DCAF1: variants seen among roughly 807,000 people sequenced by gnomAD.
The protein encoded by DCAF1 is DDB1- and CUL4-associated factor 1.
A neutral mutation model predicts 128.0 loss-of-function variants in DCAF1; 15 were observed. That is an observed-to-expected ratio of 0.12 (90% CI 0.08 to 0.18). The LOEUF is 0.18. Among genes scored for constraint, DCAF1 ranks in the 10% least tolerant of loss-of-function variants. The probability of loss-of-function intolerance (pLI) is 1.00; values close to 1 mark genes in which losing one functional copy is unlikely to be tolerated. For synonymous variants in DCAF1, 610 were observed against 603.0 expected (o/e 1.01, Z -0.17); for missense variants, 988 against 1,649.5 (o/e 0.60, Z 6.95).
At chr3:51,454,258 T>C (rs1247126231) in intron 6 of DCAF1, among the ~76,000 whole-genome samples, 4 of 152,120 alleles carry the variant, frequency 2.6e-5, no homozygotes, top group Non-Finnish European at 5.9e-5. Context: ...CCAGGCTACA[T>C]CGCCAGTCTT....
rs199951590 is a variant in DCAF1 at position 51,440,912 on chromosome 3, A to T, written c.1128+58T>A. On this transcript the variant is annotated intron_variant, in intron 9 of 24. Coordinates refer to ENST00000684031, the MANE Select transcript of DCAF1 (RefSeq NM_001387579.1). ...CAGAGTGAGACTCCATCTTAAATTTAAAAAAAAACAAAGTTTTTAAAAAAT... is the reference window on the plus strand; with the variant it reads ...CAGAGTGAGACTCCATCTTAAATTTTAAAAAAAACAAAGTTTTTAAAAAAT... 299 of 1,382,338 alleles carry T rather than the reference A, an allele frequency of 2.2e-4. 2 individuals carry two copies. In the East Asian group the frequency reaches 6.1e-3, roughly 28 times the overall value. The allele number at this position is 1,382,338 out of a possible 1,614,324, so 85.6% of individuals were successfully genotyped here. A position where few individuals can be genotyped will look rare whatever the true frequency, so the allele number is the denominator to read the frequency against.
intron 23 of DCAF1, among the ~76,000 whole-genome samples, chr3:51,406,568 A>C (rs2090127866): frequency 6.6e-6 from 1 of 152,070 alleles, no homozygotes; most frequent in African/African-American, 2.4e-5. Flanking sequence ...TTCCACCTAC[A>C]TCAATTTCAT....
chr3:51,414,252 C>A (rs898520509), intron 19 of DCAF1, among the ~76,000 whole-genome samples: 5 of 152,172 alleles, frequency 3.3e-5, no homozygotes, highest in Admixed American at 3.3e-4. Context: ...TACAGGAATG[C>A]TTTATGAGCT....
In DCAF1 at chr3:51,398,587, T is replaced by G. The variant is rs980415863; in HGVS notation, c.*182A>C. The G allele has an allele frequency of 1.4e-6, 1 of 703,856 alleles. No individual in the cohort carries two copies. Among genetic ancestry groups the G allele is most frequent in the Admixed American group, 2.9e-5 (1 of 34,834 alleles). 43.6% of individuals were successfully genotyped at this position (703,856 alleles called of 1,614,324 possible). A position where few individuals can be genotyped will look rare whatever the true frequency, so the allele number is the denominator to read the frequency against. ...TCCCTGTTGTCATTTTTGTGGTGGT[T>G]ATTGATTCTGGAAGGACCCTCGGGT... is the stretch of plus-strand genomic sequence containing the variant. On this transcript the variant is annotated 3_prime_UTR_variant, in exon 25 of 25. Transcript: ENST00000684031.
chr3:51,422,498 A>G, intron 13 of DCAF1, 67 bp from the exon 14 acceptor site: 1 of 710,620 alleles, frequency 1.4e-6, no homozygotes, highest in Non-Finnish European at 2.6e-6. Context: ...AGACAGAGAG[A>G]GAGACACACA....
chr3:51,423,943 T>TA (rs1307724820), intron 13 of DCAF1, among the ~76,000 whole-genome samples: 5 of 152,164 alleles, frequency 3.3e-5, no homozygotes, highest in African/African-American at 7.2e-5. Flanking sequence ...CCATATGTGT[T>TA]AGAGTATAGT....
Position 51,420,166 on chromosome 3 carries a change from G to T in DCAF1, c.2804C>A (p.Pro935His), listed in dbSNP as rs782164961. Residue 935 changes from proline to histidine, a missense_variant, in exon 15 of 25, where the codon CCC (proline) becomes CAC (histidine). Pro to His is a moderately conservative substitution (Grantham distance 77). Around this residue, in one of 11 missense-constraint regions of DCAF1, gnomAD observed 88 missense variants for 107.7 expected, o/e 0.82. Transcript: ENST00000684031. This position sits in a 1 kb window ranked among gnomAD's most constrained non-coding sequence, Gnocchi z 6.5. ...GGGCAGAGCTAGCGGACCCTGGGGG[G>T]GCCGTGGCTGAGGATGAGCAGTAGG... ...SAPTAHPQPR[P>H]PQGPLALPGP... The T allele has an allele frequency of 5.0e-6, 8 of 1,614,012 alleles. No homozygotes were observed. Among genetic ancestry groups the T allele is most frequent in the East Asian group, 2.2e-5 (1 of 44,886 alleles).
At position 51,441,119 on chromosome 3, in the gene DCAF1, T is replaced by C. The variant is rs1182309975; in HGVS notation, c.1027-48A>G. 5 of 1,500,628 alleles carry C rather than the reference T, an allele frequency of 3.3e-6. No individual in the cohort carries two copies. In the African/African-American group the frequency reaches 6.9e-5, roughly 21 times the overall value. 93.0% of individuals were successfully genotyped at this position (1,500,628 alleles called of 1,614,324 possible). A position where few individuals can be genotyped will look rare whatever the true frequency, so the allele number is the denominator to read the frequency against. ...GTCTTAAATTTTGGCTTTATTGTCA[T>C]GTATTTCCTATTCCACTCTTTGAGG... is the stretch of plus-strand genomic sequence containing the variant. On this transcript the variant is annotated intron_variant, in intron 8 of 24. Transcript: ENST00000684031.
chr3:51,466,112 G>T (rs1461739290), intron 5 of DCAF1, among the ~76,000 whole-genome samples: 1 of 152,138 alleles, frequency 6.6e-6, no homozygotes, highest in Non-Finnish European at 1.5e-5. Context: ...TGAGGCAGGA[G>T]AATCACCTGA....
chr3:51,437,422 A>T (rs1553637216), intron 9 of DCAF1: 1 of 511,304 alleles, frequency 2.0e-6, no homozygotes, highest in East Asian at 5.5e-5. Context: ...GCTGATCTGA[A>T]TGGAGCAATG....
At chr3:51,472,088 C>T (rs782371528) in intron 3 of DCAF1, among the ~76,000 whole-genome samples, 2 of 152,154 alleles carry the variant, frequency 1.3e-5, no homozygotes, top group African/African-American at 2.4e-5. Context: ...CATTCTCCAA[C>T]TTCCAATGAC....
intron 3 of DCAF1, 41 bp downstream of exon 3, chr3:51,483,678 A>AG (rs1706557793): frequency 7.3e-7 from 1 of 1,370,926 alleles, no homozygotes; most frequent in Non-Finnish European, 1.0e-6. Context: ...GTTGTGTCCG[A>AG]GGTTTTTTAT....
intron 8 of DCAF1, 87 bp downstream of exon 8, chr3:51,441,298 T>C: frequency 6.9e-7 from 1 of 1,445,282 alleles, no homozygotes; most frequent in African/African-American, 1.4e-5. Flanking sequence ...TTAGAATATA[T>C]CTTTGTATAA....
At chr3:51,489,847 AT>A (rs1707426061) in intron 2 of DCAF1, among the ~76,000 whole-genome samples, 7 of 151,634 alleles carry the variant, frequency 4.6e-5, no homozygotes, top group Non-Finnish European at 7.4e-5. Context: ...AGATAGATAG[AT>A]AGATAGATAG....
At chr3:51,422,782 G>A (rs1402635302) in intron 13 of DCAF1, among the ~76,000 whole-genome samples, 19 of 152,316 alleles carry the variant, frequency 1.2e-4, no homozygotes, top group African/African-American at 4.6e-4. Flanking sequence ...GTAATCTGGA[G>A]GCCAGGCACG....
chr3:51,460,208 G>T (rs1257102316), intron 6 of DCAF1, among the ~76,000 whole-genome samples: 1 of 152,150 alleles, frequency 6.6e-6, no homozygotes, highest in Non-Finnish European at 1.5e-5. Context: ...CTTCAGCAAA[G>T]TCTCAGGATA....
chr3:51,409,731 T>C (rs782472856), intron 23 of DCAF1, among the ~76,000 whole-genome samples: 1 of 152,164 alleles, frequency 6.6e-6, no homozygotes, highest in Non-Finnish European at 1.5e-5. Context: ...TGTTTCATGA[T>C]AGCTAATGTG....
chr3:51,461,355 C>A, intron 6 of DCAF1, among the ~76,000 whole-genome samples: 1 of 152,182 alleles, frequency 6.6e-6, no homozygotes, highest in Non-Finnish European at 1.5e-5. Flanking sequence ...ATCAAAACCA[C>A]AATGAGATAC....
At chr3:51,398,944 CAGAA>C in intron 24 of DCAF1, 117 bp from the exon 25 acceptor site, 1 of 1,312,494 alleles carries the variant, frequency 7.6e-7, no homozygotes, top group Non-Finnish European at 1.0e-6. Flanking sequence ...TACCAGTTTC[CAGAA>C]AGAAGAAAAC....
Sources: gnomAD v4.1 joint callset for allele counts (sites outside exome capture counted in the v4.1 genomes callset) on GRCh38, gnomAD v4.1.1 for gene constraint, gnomAD v4.1.1 regional missense constraint, Gnocchi (gnomAD v3.1) non-coding constraint, MANE v1.5 for transcripts, NCBI Gene and HGNC (gene_info 2026-07-23, HGNC 2026-07-21) for gene names.